The following ASB5 variants were observed in gnomAD, a reference collection of about 807,000 sequenced individuals.
The protein encoded by ASB5 is ankyrin repeat and SOCS box containing 5, also known as ankyrin repeat and SOCS box protein 5.
In ASB5, 45 loss-of-function variants were observed where a neutral mutation model predicts 42.1. The observed-to-expected ratio is 1.07, with a 90% CI of 0.84 to 1.37. ASB5 has a LOEUF of 1.37. Among genes scored for constraint, ASB5 ranks in the 40% most tolerant of loss-of-function variants. ASB5 has a pLI of 0.00. For synonymous variants in ASB5, 147 were observed against 150.6 expected (o/e 0.98, Z 0.18); for missense variants, 402 against 399.8 (o/e 1.01, Z -0.05).
chr4:176,221,325 C>G (rs570133744), intron 4 of ASB5, 36 bp from the exon 5 acceptor site: 2 of 1,609,004 alleles, frequency 1.2e-6, no homozygotes, highest in Admixed American at 3.4e-5. Context: ...AACTTAATGC[C>G]CATCCACCCC....
At chr4:176,275,508 G>A (rs373932416) in intron 2 of ASB5, among the ~76,000 whole-genome samples, 2 of 152,230 alleles carry the variant, frequency 1.3e-5, no homozygotes, top group African/African-American at 2.4e-5. Context: ...TATATAACAT[G>A]AGCAATACTA....
At chr4:176,268,546 C>G (rs1192812302) in intron 1 of ASB5, among the ~76,000 whole-genome samples, 6 of 152,112 alleles carry the variant, frequency 3.9e-5, no homozygotes, top group Non-Finnish European at 7.4e-5. Context: ...TAGAGGACGA[C>G]TGAAGTGCAA....
intron 2 of ASB5, among the ~76,000 whole-genome samples, chr4:176,275,049 G>C (rs1275069184): frequency 1.3e-5 from 2 of 151,704 alleles, no homozygotes; most frequent in African/African-American, 4.8e-5. Flanking sequence ...TGAGTACCTG[G>C]GATTACAGGC....
chr4:176,275,619 G>A (rs1346416061), intron 2 of ASB5, among the ~76,000 whole-genome samples: 2 of 152,270 alleles, frequency 1.3e-5, no homozygotes, highest in Admixed American at 1.3e-4. Context: ...ATGAGCAAAG[G>A]GGAGCCTCAG....
At chr4:176,220,987 T>G (rs546295774) in intron 5 of ASB5, among the ~76,000 whole-genome samples, 168 bp downstream of exon 5, 1 of 152,344 alleles carries the variant, frequency 6.6e-6, no homozygotes, top group Admixed American at 6.5e-5. Context: ...TTTTTATTGC[T>G]TATCAAGAAT....
chr4:176,249,818 C>A (rs543777750), intron 1 of ASB5, among the ~76,000 whole-genome samples: 22 of 152,190 alleles, frequency 1.4e-4, no homozygotes, highest in Non-Finnish European at 2.9e-4. Flanking sequence ...GTAATCCCCG[C>A]ACTTTGGGAG....
At chr4:176,263,118 G>GTT (rs1754294653) in intron 1 of ASB5, among the ~76,000 whole-genome samples, 1 of 152,074 alleles carries the variant, frequency 6.6e-6, no homozygotes, top group Admixed American at 6.5e-5. Flanking sequence ...ATTAGTTTCG[G>GTT]AGAGTTCTGG....
At chr4:176,226,028 G>C (rs570413934) in intron 1 of ASB5, among the ~76,000 whole-genome samples, 2 of 152,230 alleles carry the variant, frequency 1.3e-5, no homozygotes, top group African/African-American at 2.4e-5. Context: ...TAGGTGCCAC[G>C]TTGACAAGGG....
intron 1 of ASB5, among the ~76,000 whole-genome samples, chr4:176,254,079 T>C (rs1186490434): frequency 2.0e-5 from 3 of 152,112 alleles, no homozygotes; most frequent in Non-Finnish European, 4.4e-5. Flanking sequence ...GATGGAACTA[T>C]GGAACCAAAA....
chr4:176,226,353 G>C (rs1216498065), intron 1 of ASB5, among the ~76,000 whole-genome samples: 1 of 152,066 alleles, frequency 6.6e-6, no homozygotes, highest in Non-Finnish European at 1.5e-5. Flanking sequence ...GACTTCAGTG[G>C]TCCCCTGGAT....
intron 2 of ASB5, among the ~76,000 whole-genome samples, chr4:176,224,030 G>A (rs1753300197): frequency 6.6e-6 from 1 of 152,100 alleles, no homozygotes; most frequent in African/African-American, 2.4e-5. Context: ...CTCTACAGAT[G>A]AGAAAAGGAG....
intron 3 of ASB5, 144 bp downstream of exon 3, chr4:176,222,169 A>C: frequency 2.8e-6 from 2 of 713,960 alleles, no homozygotes; most frequent in Non-Finnish European, 4.6e-6. Flanking sequence ...TGCAATAAGA[A>C]GACTAAGGAA....
intron 1 of ASB5, among the ~76,000 whole-genome samples, chr4:176,267,469 A>C (rs1754379638): frequency 6.6e-6 from 1 of 151,976 alleles, no homozygotes. Context: ...TCTACAAAGA[A>C]TAAAATTAGC....
intron 1 of ASB5, among the ~76,000 whole-genome samples, chr4:176,244,376 C>T (rs144324607): frequency 5.4e-4 from 82 of 152,284 alleles, no homozygotes; most frequent in Admixed American, 2.4e-3. Flanking sequence ...ACCACATTTA[C>T]ATCCACAGCT....
At chr4:176,272,151 A>C (rs2126982205), upstream of ASB5, among the ~76,000 whole-genome samples, 1 of 152,356 alleles carries the variant, frequency 6.6e-6, no homozygotes, top group South Asian at 2.1e-4. Flanking sequence ...TTCAAAGCTA[A>C]GTGTTGGTGA....
At chr4:176,253,628 T>C (rs1349777311) in intron 1 of ASB5, among the ~76,000 whole-genome samples, 1 of 152,192 alleles carries the variant, frequency 6.6e-6, no homozygotes, top group Non-Finnish European at 1.5e-5. Flanking sequence ...GATTCTTTAC[T>C]TAGAAAACTC....
At chr4:176,220,119 G>GGGCCCACGGGCCGCATGT (rs1753161398) in intron 5 of ASB5, among the ~76,000 whole-genome samples, 2 of 152,120 alleles carry the variant, frequency 1.3e-5, no homozygotes, top group South Asian at 2.1e-4. Context: ...GGGCCGCATG[G>GGGCCCACGGGCCGCATGT]GGCCCACAGG....
intron 1 of ASB5, among the ~76,000 whole-genome samples, chr4:176,276,186 A>G (rs1440595832): frequency 6.6e-6 from 1 of 152,182 alleles, no homozygotes; most frequent in Non-Finnish European, 1.5e-5. Flanking sequence ...TTTAAATGCA[A>G]TAATTCATAT....
rs1470242793 is a variant in ASB5, at chr4:176,219,605, T to C, written c.670+1550A>G. Among the ~76,000 whole-genome samples, 2 of 122,586 alleles carry C rather than the reference T, an allele frequency of 1.6e-5. 1 individual carries two copies. Among genetic ancestry groups the C allele is most frequent in the Non-Finnish European group, 3.3e-5 (2 of 59,912 alleles). The allele number at this position is 122,586 out of a possible 152,430, so 80.4% of individuals were successfully genotyped here. ...ATATATATATATATATATATATATA[T>C]ATATATATATATAGGCTGGAGTACA... On this transcript the variant is annotated intron_variant, in intron 5 of 6. Transcript: ENST00000296525.
Sources: gnomAD v4.1 joint callset for allele counts (sites outside exome capture counted in the v4.1 genomes callset) on GRCh38, gnomAD v4.1.1 for gene constraint, MANE v1.5 for transcripts, NCBI Gene and HGNC (gene_info 2026-07-23, HGNC 2026-07-21) for gene names.